ABCC11: variants seen among roughly 807,000 people sequenced by gnomAD.
The protein encoded by ABCC11 is ATP-binding cassette sub-family C member 11.
A neutral mutation model predicts 149.3 loss-of-function variants in ABCC11; 135 were observed. The ratio of observed to expected loss-of-function variants is 0.90; its 90% CI spans 0.79 to 1.04. The LOEUF (loss-of-function observed/expected upper bound fraction) is 1.04. ABCC11 is among the 50% of genes least tolerant of loss of function. The pLI, the probability that ABCC11 is intolerant of heterozygous loss-of-function variation, is 0.00. For missense variants in ABCC11, 1,680 were observed against 1,722.1 expected (o/e 0.98, Z 0.43); for synonymous variants, 665 against 671.4 (o/e 0.99, Z 0.15).
Position 48,166,603 on chromosome 16 carries a change from G to T in ABCC11, c.*671C>A, listed in dbSNP as rs1209974499. On this transcript the variant is annotated 3_prime_UTR_variant, in exon 30 of 30. Transcript: ENST00000356608. ...TAAAAAGCAGAATGAAGATGGCTGG[G>T]TGCAGTGGTTCATGCCCATAACCTC... Among the ~76,000 whole-genome samples the T allele has an allele frequency of 6.6e-6, 1 of 152,140 alleles. No homozygotes were observed. The highest frequency in any genetic ancestry group is 1.5e-5 in the Non-Finnish European group (1 of 68,020).
intron 3 of ABCC11, among the ~76,000 whole-genome samples, chr16:48,228,521 G>C (rs142561424): frequency 0.013 from 1,993 of 152,068 alleles, 53 homozygotes; most frequent in African/African-American, 0.046. Flanking sequence ...GCTTGAACCC[G>C]GGAGGCACAG....
chr16:48,229,278 C>T (rs1049829813), intron 3 of ABCC11, among the ~76,000 whole-genome samples: 3 of 151,804 alleles, frequency 2.0e-5, no homozygotes, highest in Admixed American at 1.3e-4. Flanking sequence ...ATGAAAGTAC[C>T]AAGGTTCTTT....
intron 26 of ABCC11, among the ~76,000 whole-genome samples, chr16:48,173,196 A>G (rs1056530723): frequency 6.6e-6 from 1 of 152,200 alleles, no homozygotes; most frequent in Non-Finnish European, 1.5e-5. Flanking sequence ...GCATCAAGAC[A>G]TTCAGAGAGA....
chr16:48,215,542 T>C (rs1969274862), intron 7 of ABCC11, among the ~76,000 whole-genome samples, 198 bp from the exon 8 acceptor site: 1 of 152,206 alleles, frequency 6.6e-6, no homozygotes, highest in Non-Finnish European at 1.5e-5. Flanking sequence ...AGGCTATGGC[T>C]ACTTAGACAG....
intron 1 of ABCC11, chr16:48,244,587 G>A (rs1177758201): frequency 6.7e-7 from 1 of 1,493,316 alleles, no homozygotes; most frequent in East Asian, 2.9e-5. Context: ...GCCTGACCCC[G>A]CCAGCGACGC....
At chr16:48,173,920 C>T (rs62058523) in intron 26 of ABCC11, among the ~76,000 whole-genome samples, 1 of 152,076 alleles carries the variant, frequency 6.6e-6, no homozygotes, top group Non-Finnish European at 1.5e-5. Context: ...CTACCATGCC[C>T]CACCTCATGA....
At chr16:48,229,187 G>A (rs1970271573) in intron 3 of ABCC11, among the ~76,000 whole-genome samples, 1 of 152,058 alleles carries the variant, frequency 6.6e-6, no homozygotes, top group African/African-American at 2.4e-5. Context: ...AAAAGACAGG[G>A]CAAGACCTAT....
intron 18 of ABCC11, among the ~76,000 whole-genome samples, 156 bp from the exon 19 acceptor site, chr16:48,194,138 A>T (rs1250373447): frequency 6.6e-6 from 1 of 152,146 alleles, no homozygotes; most frequent in African/African-American, 2.4e-5. Flanking sequence ...CTGGGTTCCA[A>T]AGTCAGAGAG....
chr16:48,245,032 T>C (rs925040576), intron 1 of ABCC11, among the ~76,000 whole-genome samples: 2 of 152,148 alleles, frequency 1.3e-5, no homozygotes, highest in African/African-American at 4.8e-5. Context: ...CCTTTACTCC[T>C]ATCCGCCTCC....
At chr16:48,192,126 A>G (rs1966974806) in intron 20 of ABCC11, among the ~76,000 whole-genome samples, 1 of 152,144 alleles carries the variant, frequency 6.6e-6, no homozygotes, top group South Asian at 2.1e-4. Context: ...TCTACAGATA[A>G]ATAAATAATT....
rs756843557 is a variant in ABCC11, at chr16:48,211,121, C to T, written c.1435G>A (p.Ala479Thr). ...CAGGTCTGTTGCCATGACAAGGTGGCCTCCTCAAAGACCAGAGCTTTGCTG... is the reference window on the plus strand; with the variant it reads ...CAGGTCTGTTGCCATGACAAGGTGGTCTCCTCAAAGACCAGAGCTTTGCTG... ...DPSKALVFEE[A>T]TLSWQQTCPG... is the part of the protein sequence containing the mutation. The change falls in exon 11 of 30, where the codon GCC becomes ACC. Residue 479 changes from alanine (A) to threonine (T), a missense_variant. Transcript: ENST00000356608. 9.9e-6 allele frequency: 16 copies of T among 1,614,070 alleles called. No homozygotes were observed. The African/African-American group carries it at 1.5e-4, about 15-fold the overall frequency.
At chr16:48,232,825 C>T (rs910061754) in intron 1 of ABCC11, among the ~76,000 whole-genome samples, 8 of 152,204 alleles carry the variant, frequency 5.3e-5, no homozygotes, top group Non-Finnish European at 1.2e-4. Context: ...AGAAGACCCA[C>T]ATTTTCATTT....
chr16:48,203,165 G>A, intron 14 of ABCC11, 63 bp downstream of exon 14: 2 of 1,454,404 alleles, frequency 1.4e-6, no homozygotes, highest in Non-Finnish European at 1.9e-6. Context: ...CCTGCCTGGG[G>A]AGGCAGCATG....
intron 6 of ABCC11, among the ~76,000 whole-genome samples, chr16:48,216,788 G>T (rs1046732295): frequency 1.3e-5 from 2 of 152,150 alleles, no homozygotes; most frequent in African/African-American, 4.8e-5. Flanking sequence ...AACCAGTATG[G>T]CTAACTAGAG....
At chr16:48,214,284 T>A (rs1359219110) in intron 9 of ABCC11, among the ~76,000 whole-genome samples, 2 of 151,990 alleles carry the variant, frequency 1.3e-5, no homozygotes, top group Admixed American at 1.3e-4. Flanking sequence ...GGGGGTGTTT[T>A]CCTGGTGCAT....
chr16:48,196,248 G>A lies in ABCC11; in HGVS notation c.2388C>T (p.Tyr796=), dbSNP rs779649758. The A allele has an allele frequency of 1.5e-5, 24 of 1,614,174 alleles. No homozygotes were observed. The Admixed American group carries it at 1.8e-4, about 12-fold the overall frequency. ...GGACCGTACCTCCAGCTGCCTGGAT[G>A]TAGTGGTGGTAGACCCTCCAACTCA... ...GSLSWRVYHH[Y]IQAAGGYMVS... is the part of the protein sequence containing the mutation. The change falls in exon 18 of 30, where the codon TAC becomes TAT. Residue 796 remains tyrosine, a synonymous_variant. Coordinates refer to ENST00000356608, the MANE Select transcript of ABCC11 (RefSeq NM_001370497.1).
intron 22 of ABCC11, among the ~76,000 whole-genome samples, chr16:48,186,648 C>T (rs1220869315): frequency 6.6e-6 from 1 of 152,166 alleles, no homozygotes; most frequent in East Asian, 1.9e-4. Context: ...TAACATAATG[C>T]AAGATGTGTT....
intron 1 of ABCC11, among the ~76,000 whole-genome samples, chr16:48,246,075 G>A (rs1055791480): frequency 6.6e-6 from 1 of 152,032 alleles, no homozygotes; most frequent in Non-Finnish European, 1.5e-5. Flanking sequence ...AGAATCCTTT[G>A]CTTTCTTCAG....
At chr16:48,201,148 T>C (rs958302681) in intron 14 of ABCC11, among the ~76,000 whole-genome samples, 1 of 152,212 alleles carries the variant, frequency 6.6e-6, no homozygotes, top group Non-Finnish European at 1.5e-5. Context: ...AAATTGTAAC[T>C]CTTACTTAGA....
Sources: allele counts gnomAD v4.1 joint callset (sites outside exome capture counted in the v4.1 genomes callset), GRCh38; gene constraint gnomAD v4.1.1; transcripts MANE v1.5; gene names NCBI Gene and HGNC (gene_info 2026-07-23, HGNC 2026-07-21).